NRXN1: variants seen among roughly 807,000 people sequenced by gnomAD.
NRXN1 encodes the protein neurexin 1, also known as neurexin-1.
In NRXN1, 39 loss-of-function variants were observed where a neutral mutation model predicts 150.9. The observed-to-expected ratio is 0.26, with a 90% CI of 0.20 to 0.34. The LOEUF (loss-of-function observed/expected upper bound fraction) is 0.34, where lower values mean the gene tolerates loss of function less well. Ranked by LOEUF, NRXN1 falls within the 10% of genes least tolerant of loss-of-function variation. NRXN1 has a pLI of 1.00. For missense variants in NRXN1, 1,815 were observed against 1,949.9 expected (o/e 0.93, Z 1.30); for synonymous variants, 924 against 757.0 (o/e 1.22, Z -3.62).
At chr2:50,708,167 G>A (rs980624004) in intron 5 of NRXN1, among the ~76,000 whole-genome samples, 1 of 152,140 alleles carries the variant, frequency 6.6e-6, no homozygotes, top group Non-Finnish European at 1.5e-5. Context: ...GAAAGTTAAA[G>A]AACAATGGAG....
At chr2:50,585,481 T>C (rs1672950927) in intron 8 of NRXN1, among the ~76,000 whole-genome samples, 1 of 152,174 alleles carries the variant, frequency 6.6e-6, no homozygotes, top group Non-Finnish European at 1.5e-5. Context: ...CGCTAATGAA[T>C]TATATACTAA....
intron 13 of NRXN1, among the ~76,000 whole-genome samples, chr2:50,501,699 C>T (rs887610519): frequency 4.0e-5 from 6 of 151,884 alleles, no homozygotes; most frequent in African/African-American, 1.5e-4. Context: ...GAATTGAAGC[C>T]CAGTGACTTC....
At chr2:50,387,686 G>T (rs1018246038) in intron 17 of NRXN1, among the ~76,000 whole-genome samples, 28 of 152,180 alleles carry the variant, frequency 1.8e-4, no homozygotes, top group Non-Finnish European at 2.8e-4. Context: ...CAGCTGAAGT[G>T]CATGGTCCTA....
At chr2:50,053,916 T>C (rs551113259) in intron 20 of NRXN1, among the ~76,000 whole-genome samples, 2 of 152,310 alleles carry the variant, frequency 1.3e-5, no homozygotes, top group African/African-American at 4.8e-5. Context: ...GTCTAAATTG[T>C]TAAATTTTAA....
chr2:50,939,845 A>G (rs1460562093), intron 2 of NRXN1, among the ~76,000 whole-genome samples: 1 of 152,198 alleles, frequency 6.6e-6, no homozygotes, highest in Non-Finnish European at 1.5e-5. Flanking sequence ...GTGCGGATGT[A>G]CATTTAGAAA....
At chr2:50,367,635 G>A (rs2079684285) in intron 17 of NRXN1, among the ~76,000 whole-genome samples, 1 of 151,898 alleles carries the variant, frequency 6.6e-6, no homozygotes, top group Non-Finnish European at 1.5e-5. Context: ...ATCCTCTCTT[G>A]AAGTCCATGA....
chr2:50,064,856 C>G (rs1695121548), intron 19 of NRXN1, among the ~76,000 whole-genome samples: 1 of 152,056 alleles, frequency 6.6e-6, no homozygotes, highest in East Asian at 1.9e-4. Flanking sequence ...GATCTTCTAG[C>G]CTTTGTAACA....
intron 22 of NRXN1, among the ~76,000 whole-genome samples, chr2:49,928,901 G>A (rs1669628170): frequency 6.6e-6 from 1 of 152,078 alleles, no homozygotes; most frequent in Admixed American, 6.6e-5. Flanking sequence ...CACTTACGGA[G>A]GTCAGACAAG....
chr2:50,921,934 T>G, intron 4 of NRXN1, 54 bp from the exon 5 acceptor site: 1 of 1,133,680 alleles, frequency 8.8e-7, no homozygotes, highest in Non-Finnish European at 1.2e-6. Context: ...ACAAAGAGGA[T>G]AAAGAGGAGA....
At chr2:50,856,882 G>T (rs1675350886) in intron 5 of NRXN1, among the ~76,000 whole-genome samples, 1 of 151,994 alleles carries the variant, frequency 6.6e-6, no homozygotes, top group Non-Finnish European at 1.5e-5. Flanking sequence ...TATAAATGAG[G>T]TTTATCAGGA....
chr2:50,668,149 T>C (rs147954626), intron 5 of NRXN1, among the ~76,000 whole-genome samples: 20 of 152,136 alleles, frequency 1.3e-4, no homozygotes, highest in Admixed American at 3.3e-4. Context: ...GCCTCCATTT[T>C]ACTGCTTTCC....
At chr2:50,255,060 G>T (rs2067562913) in intron 17 of NRXN1, among the ~76,000 whole-genome samples, 1 of 151,970 alleles carries the variant, frequency 6.6e-6, no homozygotes. Context: ...CACCCACCTT[G>T]GCCTACGAAA....
intron 18 of NRXN1, among the ~76,000 whole-genome samples, chr2:50,190,219 T>A (rs2061358714): frequency 6.6e-6 from 1 of 152,192 alleles, no homozygotes; most frequent in African/African-American, 2.4e-5. Flanking sequence ...ACCATTTTCC[T>A]TAAAAGAGTA....
At chr2:50,590,492 G>A (rs1486353333) in intron 8 of NRXN1, among the ~76,000 whole-genome samples, 3 of 152,142 alleles carry the variant, frequency 2.0e-5, no homozygotes, top group Admixed American at 6.5e-5. Flanking sequence ...GTGGGAGAAT[G>A]TATTGCATTC....
chr2:50,651,627 G>A (rs1685649718), intron 5 of NRXN1, among the ~76,000 whole-genome samples: 1 of 151,840 alleles, frequency 6.6e-6, no homozygotes, highest in Admixed American at 6.6e-5. Context: ...ACTGCACTCC[G>A]GCCTGAATGA....
chr2:50,531,358 G>A lies in NRXN1; in HGVS notation c.2216C>T (p.Ala739Val). Residue 739 changes from alanine to valine, a missense_variant, in exon 11 of 23, where the codon GCT becomes GTT. Physicochemically the swap from Ala to Val is moderately conservative, Grantham distance 64. Around this residue, in one of 6 missense-constraint regions of NRXN1, gnomAD observed 638 missense variants for 652.6 expected, o/e 0.98. Coordinates refer to ENST00000401669, the MANE Select transcript of NRXN1 (RefSeq NM_001330078.2). Reference sequence around the variant, plus strand: ...TCGGAACCGTAAGGAAACATCCTCAGCCTCCGTATGCATGACTACGGGGAG... The same window carrying A: ...TCGGAACCGTAAGGAAACATCCTCAACCTCCGTATGCATGACTACGGGGAG... ...IQLPVVMHTEAEDVSLRFRSQ... is the reference protein window; with the variant it reads ...IQLPVVMHTEVEDVSLRFRSQ... 1 of 1,613,180 alleles carries A rather than the reference G, an allele frequency of 6.2e-7. No individual in the cohort carries two copies. Among genetic ancestry groups the A allele is most frequent in the Non-Finnish European group, 8.5e-7 (1 of 1,179,590 alleles).
chr2:50,898,163 A>T (rs534901542), intron 5 of NRXN1, among the ~76,000 whole-genome samples: 2 of 152,250 alleles, frequency 1.3e-5, no homozygotes, highest in African/African-American at 4.8e-5. Flanking sequence ...TCAATGTCTG[A>T]ATAACTTTAT....
intron 17 of NRXN1, among the ~76,000 whole-genome samples, chr2:50,434,680 A>T (rs541048061): frequency 9.3e-4 from 141 of 152,236 alleles, no homozygotes; most frequent in Middle Eastern, 3.4e-3. Flanking sequence ...TTTAAAAAAA[A>T]TTTCTTTGTT....
At chr2:50,414,522 T>TA (rs1293565391) in intron 17 of NRXN1, among the ~76,000 whole-genome samples, 1 of 151,982 alleles carries the variant, frequency 6.6e-6, no homozygotes, top group African/African-American at 2.4e-5. Context: ...GTTTTTTTAA[T>TA]AAAAAACAAA....
Sources: gnomAD v4.1 joint callset for allele counts (sites outside exome capture counted in the v4.1 genomes callset) on GRCh38, gnomAD v4.1.1 for gene constraint, gnomAD v4.1.1 regional missense constraint, MANE v1.5 for transcripts, NCBI Gene and HGNC (gene_info 2026-07-23, HGNC 2026-07-21) for gene names.